PHACTR3: variants seen among roughly 807,000 people sequenced by gnomAD.
PHACTR3 encodes protein phosphatase 1, regulatory subunit 123.
A neutral mutation model predicts 66.8 loss-of-function variants in PHACTR3; 16 were observed. The ratio of observed to expected loss-of-function variants is 0.24; its 90% CI spans 0.16 to 0.36. The LOEUF is 0.36. Among genes scored for constraint, PHACTR3 ranks in the 10% least tolerant of loss-of-function variants. PHACTR3 has a pLI of 1.00. For synonymous variants in PHACTR3, 323 were observed against 292.1 expected (o/e 1.11, Z -1.08); for missense variants, 647 against 719.9 (o/e 0.90, Z 1.16).
At chr20:59,691,055 T>C (rs765168546) in intron 1 of PHACTR3, among the ~76,000 whole-genome samples, 1 of 152,182 alleles carries the variant, frequency 6.6e-6, no homozygotes, top group Admixed American at 6.5e-5. Context: ...CTCTATCTGA[T>C]ACTATCAAGA....
chr20:59,842,370 A>ACAGATATTGCATCAACT (rs1289538230), intron 11 of PHACTR3, among the ~76,000 whole-genome samples: 1 of 152,194 alleles, frequency 6.6e-6, no homozygotes, highest in African/African-American at 2.4e-5. Context: ...GAGTATGTAC[A>ACAGATATTGCATCAACT]CAGATATTGC....
chr20:59,611,247 T>G (rs1414057374), intron 1 of PHACTR3, among the ~76,000 whole-genome samples: 3 of 152,200 alleles, frequency 2.0e-5, no homozygotes, highest in Non-Finnish European at 4.4e-5. Flanking sequence ...TAACAATGAG[T>G]AAATTTTGAG....
At chr20:59,787,895 G>T (rs1266457354) in intron 7 of PHACTR3, among the ~76,000 whole-genome samples, 2 of 152,188 alleles carry the variant, frequency 1.3e-5, no homozygotes, top group Non-Finnish European at 2.9e-5. Flanking sequence ...GAGATCCACA[G>T]GACTCTGTAG....
chr20:59,702,463 C>T (rs2037540941), intron 1 of PHACTR3, among the ~76,000 whole-genome samples: 1 of 152,378 alleles, frequency 6.6e-6, no homozygotes, highest in South Asian at 2.1e-4. Context: ...CTAAGATGCC[C>T]TCCTGACCCC....
chr20:59,593,841 A>G (rs1267232512), intron 1 of PHACTR3, among the ~76,000 whole-genome samples: 2 of 152,340 alleles, frequency 1.3e-5, no homozygotes, highest in South Asian at 4.1e-4. Context: ...TGAGCTCCCT[A>G]TTCAATTCCA....
At chr20:59,845,061 G>A (rs2059125750) in intron 11 of PHACTR3, 128 bp from the exon 12 acceptor site, 2 of 573,280 alleles carry the variant, frequency 3.5e-6, no homozygotes, top group Non-Finnish European at 6.2e-6. Context: ...CCAAAAAATT[G>A]TTTGTTTTTT....
chr20:59,672,108 A>G (rs1345573565), intron 1 of PHACTR3, among the ~76,000 whole-genome samples: 1 of 152,130 alleles, frequency 6.6e-6, no homozygotes, highest in Non-Finnish European at 1.5e-5. Context: ...GTCTGGAGGC[A>G]TTTTCAGTTG....
chr20:59,845,701 G>C (rs1388400624), intron 12 of PHACTR3, among the ~76,000 whole-genome samples: 1 of 152,038 alleles, frequency 6.6e-6, no homozygotes, highest in Non-Finnish European at 1.5e-5. Context: ...AACACAGCCA[G>C]CGTTCTCCTA....
chr20:59,705,520 T>C (rs1325351142), intron 1 of PHACTR3, among the ~76,000 whole-genome samples: 1 of 152,220 alleles, frequency 6.6e-6, no homozygotes, highest in Non-Finnish European at 1.5e-5. Flanking sequence ...TTATTACTTA[T>C]TATTTAATAT....
intron 1 of PHACTR3, among the ~76,000 whole-genome samples, chr20:59,621,698 CAGGG>C (rs1600935663): frequency 6.6e-6 from 1 of 152,208 alleles, no homozygotes; most frequent in African/African-American, 2.4e-5. Flanking sequence ...ACAAAAGTGA[CAGGG>C]AGCACAGGCC....
chr20:59,680,077 T>C (rs1167772800), intron 1 of PHACTR3, among the ~76,000 whole-genome samples: 80 of 151,978 alleles, frequency 5.3e-4, no homozygotes, highest in Non-Finnish European at 2.9e-5. Context: ...TCTCTTCTGC[T>C]CTCCCTCCCT....
chr20:59,600,302 G>A (rs1377737567), upstream of PHACTR3, among the ~76,000 whole-genome samples: 1 of 152,214 alleles, frequency 6.6e-6, no homozygotes, highest in East Asian at 1.9e-4. Flanking sequence ...ATTCATATTA[G>A]TCAATCTTGT....
chr20:59,677,240 A>G (rs1364251592), intron 1 of PHACTR3, among the ~76,000 whole-genome samples: 3 of 152,096 alleles, frequency 2.0e-5, no homozygotes, highest in African/African-American at 7.2e-5. Context: ...AAAGTAGAGG[A>G]GGTTTCCCAC....
chr20:59,630,995 G>T (rs1309048795), intron 1 of PHACTR3, among the ~76,000 whole-genome samples: 1 of 152,202 alleles, frequency 6.6e-6, no homozygotes, highest in Non-Finnish European at 1.5e-5. Flanking sequence ...GAGTTGAAGT[G>T]ACCACCACCA....
intron 1 of PHACTR3, among the ~76,000 whole-genome samples, chr20:59,740,192 A>C (rs2039101572): frequency 1.3e-5 from 2 of 152,204 alleles, no homozygotes. Context: ...TGGTATGTTA[A>C]TCAGAGTGAT....
intron 8 of PHACTR3, among the ~76,000 whole-genome samples, chr20:59,821,932 G>A (rs2042039123): frequency 1.3e-5 from 2 of 148,926 alleles, no homozygotes; most frequent in African/African-American, 2.5e-5. Flanking sequence ...AGAGTGATGT[G>A]GACAAACACA....
At chr20:59,735,549 A>G (rs2038916445) in intron 1 of PHACTR3, among the ~76,000 whole-genome samples, 2 of 152,042 alleles carry the variant, frequency 1.3e-5, no homozygotes, top group South Asian at 4.2e-4. Context: ...ATCTTAGTGG[A>G]TGAAAGATGA....
intron 7 of PHACTR3, among the ~76,000 whole-genome samples, chr20:59,779,411 C>T (rs2040647902): frequency 6.6e-6 from 1 of 152,148 alleles, no homozygotes; most frequent in African/African-American, 2.4e-5. Flanking sequence ...TTTGCTTTGC[C>T]TGGTGCAGAC....
chr20:59,649,246 G>A (rs1287607985), intron 1 of PHACTR3, among the ~76,000 whole-genome samples: 1 of 152,162 alleles, frequency 6.6e-6, no homozygotes, highest in Non-Finnish European at 1.5e-5. Flanking sequence ...AGTTATTATG[G>A]TAATGGTTAG....
Sources: allele counts gnomAD v4.1 joint callset (sites outside exome capture counted in the v4.1 genomes callset), GRCh38; gene constraint gnomAD v4.1.1; transcripts MANE v1.5; gene names NCBI Gene and HGNC (gene_info 2026-07-23, HGNC 2026-07-21).